The following CA10 variants were observed in gnomAD, a reference collection of about 807,000 sequenced individuals.
CA10 encodes the protein carbonic anhydrase-related protein 10.
In CA10, 14 loss-of-function variants were observed where a neutral mutation model predicts 44.2. That is an observed-to-expected ratio of 0.32 (90% confidence interval 0.21 to 0.50). The LOEUF is 0.50. Among genes scored for constraint, CA10 ranks in the 20% least tolerant of loss-of-function variants. The pLI is 0.99. For missense variants in CA10, 350 were observed against 409.7 expected (o/e 0.85, Z 1.26); for synonymous variants, 159 against 141.6 (o/e 1.12, Z -0.87).
chr17:52,111,208 A>G (rs1463226590), intron 1 of CA10, among the ~76,000 whole-genome samples: 1 of 152,178 alleles, frequency 6.6e-6, no homozygotes, highest in Non-Finnish European at 1.5e-5. Context: ...CTGATTATGT[A>G]TGACGCTCAC....
At chr17:51,835,504 T>C (rs1156252176) in intron 3 of CA10, among the ~76,000 whole-genome samples, 1 of 152,228 alleles carries the variant, frequency 6.6e-6, no homozygotes, top group Admixed American at 6.5e-5. Flanking sequence ...CCTCCTCTGC[T>C]ACATGGTGAG....
intron 6 of CA10, among the ~76,000 whole-genome samples, chr17:51,644,581 C>G (rs944829922): frequency 6.6e-6 from 1 of 152,090 alleles, no homozygotes; most frequent in African/African-American, 2.4e-5. Context: ...CACACCTCTT[C>G]TTGGGTACCT....
At chr17:52,107,752 C>A (rs1988691780) in intron 1 of CA10, among the ~76,000 whole-genome samples, 1 of 152,126 alleles carries the variant, frequency 6.6e-6, no homozygotes, top group Admixed American at 6.6e-5. Context: ...TGATCGGCAA[C>A]CTTTTGCTTC....
At chr17:51,739,408 T>C (rs548106717) in intron 4 of CA10, among the ~76,000 whole-genome samples, 8 of 152,220 alleles carry the variant, frequency 5.3e-5, no homozygotes, top group African/African-American at 1.7e-4. Flanking sequence ...AGTTAATGCC[T>C]GTCTTTAATA....
intron 4 of CA10, among the ~76,000 whole-genome samples, chr17:51,693,677 CTTT>C (rs569839819): frequency 1.3e-5 from 2 of 152,032 alleles, no homozygotes; most frequent in South Asian, 4.2e-4. Context: ...TGATTTCATT[CTTT>C]TTTTATTTCT....
At chr17:51,897,871 GT>G (rs761357905) in intron 3 of CA10, among the ~76,000 whole-genome samples, 1 of 152,002 alleles carries the variant, frequency 6.6e-6, no homozygotes, top group Non-Finnish European at 1.5e-5. Flanking sequence ...CAGCTTGGAT[GT>G]TATTGATGTA....
chr17:52,119,622 T>G (rs1214452066), intron 1 of CA10, among the ~76,000 whole-genome samples: 1 of 152,196 alleles, frequency 6.6e-6, no homozygotes, highest in East Asian at 1.9e-4. Context: ...TATCTCAGAT[T>G]CCTTGTGGAA....
Position 51,918,796 on chromosome 17 carries a change from T to G in CA10, c.279+12194A>C, listed in dbSNP as rs116594646. Among the ~76,000 whole-genome samples the G allele has an allele frequency of 3.3e-3, 509 of 152,306 alleles. 3 individuals are homozygous for G. Among genetic ancestry groups the G allele is most frequent in the African/African-American group, 0.012 (497 of 41,582 alleles). ...GGCTTATTTTCACATTATTTGCAGTTTGGATTTTGGCCCTAGCATACTACA... is the reference window on the plus strand; with the variant it reads ...GGCTTATTTTCACATTATTTGCAGTGTGGATTTTGGCCCTAGCATACTACA... On this transcript the variant is annotated intron_variant, in intron 3 of 8. Coordinates refer to ENST00000451037, the MANE Select transcript of CA10 (RefSeq NM_020178.5).
intron 3 of CA10, among the ~76,000 whole-genome samples, chr17:51,897,599 A>G (rs1981127033): frequency 6.6e-6 from 1 of 152,098 alleles, no homozygotes; most frequent in Non-Finnish European, 1.5e-5. Flanking sequence ...TAATTCTGGG[A>G]AGAATGTCAT....
intron 2 of CA10, among the ~76,000 whole-genome samples, chr17:51,931,985 A>C (rs773562982): frequency 2.6e-5 from 4 of 152,106 alleles, no homozygotes; most frequent in Non-Finnish European, 5.9e-5. Flanking sequence ...CAGTACTTCC[A>C]TCGAGTCTCT....
At chr17:51,837,564 C>A (rs571669308) in intron 3 of CA10, among the ~76,000 whole-genome samples, 3 of 152,274 alleles carry the variant, frequency 2.0e-5, no homozygotes, top group Non-Finnish European at 2.9e-5. Flanking sequence ...GATTGGAAAC[C>A]AGGCCTCCTT....
At chr17:51,895,482 A>G (rs1401728750) in intron 3 of CA10, among the ~76,000 whole-genome samples, 1 of 152,046 alleles carries the variant, frequency 6.6e-6, no homozygotes, top group African/African-American at 2.4e-5. Context: ...TTCAGGTTGT[A>G]CTTCAGCAAG....
intron 8 of CA10, among the ~76,000 whole-genome samples, chr17:51,632,008 A>G (rs975423917): frequency 6.6e-6 from 1 of 152,218 alleles, no homozygotes; most frequent in Non-Finnish European, 1.5e-5. Context: ...ACACTGCTCT[A>G]GGCTAGGGAT....
intron 4 of CA10, among the ~76,000 whole-genome samples, chr17:51,694,495 G>GTTT (rs548169573): frequency 3.3e-4 from 42 of 127,494 alleles, no homozygotes; most frequent in Middle Eastern, 4.1e-3. Flanking sequence ...TTTTAATGGG[G>GTTT]TTTTTTTTTT....
intron 3 of CA10, among the ~76,000 whole-genome samples, chr17:51,898,049 T>A (rs1310808240): frequency 6.6e-6 from 1 of 151,966 alleles, no homozygotes; most frequent in Non-Finnish European, 1.5e-5. Flanking sequence ...TATTTGGGTG[T>A]CTTTTCTTTC....
At chr17:51,689,714 G>C (rs752620062) in intron 4 of CA10, among the ~76,000 whole-genome samples, 1 of 151,982 alleles carries the variant, frequency 6.6e-6, no homozygotes, top group Non-Finnish European at 1.5e-5. Context: ...TGTGCCCTGT[G>C]GTGCAGGCAA....
chr17:51,994,157 A>G (rs1985141280), intron 2 of CA10, among the ~76,000 whole-genome samples: 1 of 152,072 alleles, frequency 6.6e-6, no homozygotes, highest in Non-Finnish European at 1.5e-5. Context: ...TTCCGACTCC[A>G]TCAGAAAGAA....
Position 51,715,043 on chromosome 17 carries a change from G to T in CA10, c.465+32590C>A, listed in dbSNP as rs1254084968. 6.6e-5 allele frequency among the ~76,000 whole-genome samples: 10 copies of T among 152,124 alleles called. No homozygotes were observed. The East Asian group carries it at 1.9e-3, about 29-fold the overall frequency. On this transcript the variant is annotated intron_variant, in intron 4 of 8. Transcript: ENST00000451037. ...TGGTGAAAAGAACAAAATAAGGGAG[G>T]ATGATGAGTTCATGTCTTTGTAGGG...
intron 4 of CA10, among the ~76,000 whole-genome samples, chr17:51,669,668 C>A (rs1297097929): frequency 6.6e-6 from 1 of 152,098 alleles, no homozygotes; most frequent in African/African-American, 2.4e-5. Context: ...GATGCACCAC[C>A]TTTAAGAACT....
Sources: gnomAD v4.1 joint callset for allele counts (sites outside exome capture counted in the v4.1 genomes callset) on GRCh38, gnomAD v4.1.1 for gene constraint, MANE v1.5 for transcripts, NCBI Gene and HGNC (gene_info 2026-07-23, HGNC 2026-07-21) for gene names.